Variants in LRP1B observed in about 807,000 individuals in gnomAD.
The protein encoded by LRP1B is LDL receptor related protein 1B.
A neutral mutation model predicts 556.6 loss-of-function variants in LRP1B; 217 were observed. The observed-to-expected ratio is 0.39, with a 90% confidence interval of 0.35 to 0.44. The LOEUF is 0.44. Among genes scored for constraint, LRP1B ranks in the 20% least tolerant of loss-of-function variants. LRP1B has a pLI of 1.00. For missense variants in LRP1B, 5,053 were observed against 5,620.8 expected, an observed-to-expected ratio of 0.90 and a Z score of 3.23; for synonymous variants, 2,047 against 1,865.8, an observed-to-expected ratio of 1.10 and a Z score of -2.50.
intron 32 of LRP1B, among the ~76,000 whole-genome samples, chr2:140,798,448 C>G (rs1690393118): frequency 6.6e-6 from 1 of 152,094 alleles, no homozygotes; most frequent in African/African-American, 2.4e-5. Flanking sequence ...TTATAAACAC[C>G]AAATGCTCTC....
At position 140,671,348 on chromosome 2, in the gene LRP1B, G is replaced by A. The variant is rs1020063813; in HGVS notation, c.6799+28902C>T. ...ATCCTGGCTAACACGGTGAAACCCCGTCTCTACTAAAAATACAAAAAAATT... is the reference window on the plus strand; with the variant it reads ...ATCCTGGCTAACACGGTGAAACCCCATCTCTACTAAAAATACAAAAAAATT... On this transcript the variant is annotated intron_variant, in intron 41 of 90. Coordinates refer to ENST00000389484, the MANE Select transcript of LRP1B (RefSeq NM_018557.3). Among the ~76,000 whole-genome samples, 123 of 152,062 alleles carry A rather than the reference G, an allele frequency of 8.1e-4. 1 individual carries two copies. The highest frequency in any genetic ancestry group is 3.7e-4 in the Non-Finnish European group (25 of 68,004).
At chr2:141,810,201 C>A (rs2105706752) in intron 2 of LRP1B, 78 bp downstream of exon 2, 4 of 1,316,840 alleles carry the variant, frequency 3.0e-6, no homozygotes, top group South Asian at 1.3e-5. Context: ...TCTAGAACAG[C>A]AGTCATCTGT....
chr2:141,722,732 AG>A (rs1692872087), intron 2 of LRP1B, among the ~76,000 whole-genome samples: 1 of 80,538 alleles, frequency 1.2e-5, no homozygotes, highest in African/African-American at 3.9e-5. Context: ...ATAGATACAT[AG>A]ATAGATAGAT....
At chr2:141,854,091 A>T (rs1384364474) in intron 1 of LRP1B, among the ~76,000 whole-genome samples, 3 of 152,048 alleles carry the variant, frequency 2.0e-5, no homozygotes, top group Non-Finnish European at 4.4e-5. Flanking sequence ...CAATAAAATC[A>T]GTTGGTGCAA....
rs763189902 is a variant in LRP1B at position 141,712,225 on chromosome 2, CAG to C, written c.205+98052_205+98053del. 5.3e-5 allele frequency among the ~76,000 whole-genome samples: 8 copies of C among 152,130 alleles called. No homozygotes were observed. The East Asian group carries it at 9.7e-4, about 18-fold the overall frequency. On this transcript the variant is annotated intron_variant, in intron 2 of 90. Coordinates refer to ENST00000389484, the MANE Select transcript of LRP1B (RefSeq NM_018557.3). The stretch of plus-strand genomic sequence containing the variant: ...CAATTGGAACTCAGAAAATTTGTAA[CAG>C]AAAAATTTATGATCATTGGGACTCA...
intron 84 of LRP1B, among the ~76,000 whole-genome samples, chr2:140,289,235 C>A (rs1268881415): frequency 6.6e-6 from 1 of 151,948 alleles, no homozygotes; most frequent in Non-Finnish European, 1.5e-5. Flanking sequence ...TGGTATGCTT[C>A]TAAGTAGTAT....
intron 1 of LRP1B, among the ~76,000 whole-genome samples, chr2:141,822,163 G>C (rs1279551952): frequency 1.2e-5 from 1 of 80,298 alleles, no homozygotes. Context: ...AGAGATAATA[G>C]TAAAAACCCT....
intron 2 of LRP1B, among the ~76,000 whole-genome samples, chr2:141,674,104 C>A (rs1428762036): frequency 1.3e-5 from 2 of 151,982 alleles, no homozygotes; most frequent in African/African-American, 2.4e-5. Context: ...GTCTCCATAG[C>A]ACACAATTAC....
Position 140,601,566 on chromosome 2 carries a change from T to A in LRP1B, c.6873A>T (p.Ser2291=). ...DTLYWTSSTT[S]SITRHTVDQT... The stretch of plus-strand genomic sequence containing the variant: ...GGTCCACAGTGTGTCTGGTGATGGA[T>A]GAGGTGGTAGAGCTTGTCCAGTACA... Residue 2291 remains serine (S), a synonymous_variant, in exon 42 of 91, where the codon TCA becomes TCT. Coordinates refer to ENST00000389484, the MANE Select transcript of LRP1B (RefSeq NM_018557.3). 6.2e-7 allele frequency: 1 copy of A among 1,613,174 alleles called. No individual in the cohort carries two copies. The highest frequency in any genetic ancestry group is 1.7e-5 in the Admixed American group (1 of 59,846).
intron 3 of LRP1B, among the ~76,000 whole-genome samples, chr2:141,354,558 C>T (rs926665767): frequency 6.6e-6 from 1 of 152,036 alleles, no homozygotes; most frequent in African/African-American, 2.4e-5. Flanking sequence ...TATAAATATT[C>T]TTACAGAACT....
At chr2:140,613,322 A>C (rs1028309008) in intron 41 of LRP1B, among the ~76,000 whole-genome samples, 3 of 116,558 alleles carry the variant, frequency 2.6e-5, no homozygotes, top group African/African-American at 8.7e-5. Flanking sequence ...TAATTATATA[A>C]ATATATATAA....
rs1279384303 is a variant in LRP1B, at chr2:140,239,423, C to G, written c.13415+19G>C. The G allele has an allele frequency of 6.6e-7, 1 of 1,505,812 alleles. No individual in the cohort carries two copies. Among genetic ancestry groups the G allele is most frequent in the African/African-American group, 1.4e-5 (1 of 71,536 alleles). 93.3% of individuals were successfully genotyped at this position (1,505,812 alleles called of 1,614,324 possible). On this transcript the variant is annotated intron_variant, in intron 88 of 90. Transcript: ENST00000389484. ...TGTGATTTATTCACTGACTGCTAAT[C>G]TAGAACATTGCATCTTACCTTCTTT...
At chr2:140,713,785 C>A (rs1687119664) in intron 37 of LRP1B, among the ~76,000 whole-genome samples, 1 of 151,994 alleles carries the variant, frequency 6.6e-6, no homozygotes, top group Non-Finnish European at 1.5e-5. Flanking sequence ...TTTAATTATT[C>A]TATTTCTTCT....
In LRP1B at chr2:140,371,265, GTGA is replaced by G; in HGVS notation, c.10786_10788del (p.Ser3596del). On this transcript the variant is annotated inframe_deletion, in exon 70 of 91. Coordinates refer to ENST00000389484, the MANE Select transcript of LRP1B (RefSeq NM_018557.3). ...CCATCACTGGCACATATATATTCAC[GTGA>G]TGAGCAAGTAGGAGAAGCTGAATAC... 2.5e-6 allele frequency: 4 copies of G among 1,579,778 alleles called. No homozygotes were observed. The highest frequency in any genetic ancestry group is 3.4e-6 in the Non-Finnish European group (4 of 1,162,490).
At chr2:141,495,964 G>A (rs1243511150) in intron 2 of LRP1B, among the ~76,000 whole-genome samples, 2 of 151,924 alleles carry the variant, frequency 1.3e-5, no homozygotes, top group Non-Finnish European at 2.9e-5. Context: ...GTAATCCAGG[G>A]AATTTCTTTA....
At chr2:140,391,960 G>T (rs1412962558) in intron 66 of LRP1B, among the ~76,000 whole-genome samples, 1 of 152,118 alleles carries the variant, frequency 6.6e-6, no homozygotes, top group Non-Finnish European at 1.5e-5. Flanking sequence ...ACCATGGCTG[G>T]AGTGAGACTG....
intron 1 of LRP1B, among the ~76,000 whole-genome samples, chr2:141,986,362 C>CT (rs1334425668): frequency 6.6e-6 from 1 of 151,904 alleles, no homozygotes; most frequent in Non-Finnish European, 1.5e-5. Context: ...TAACTCATAT[C>CT]TGAATGGCCA....
chr2:140,485,541 TA>T lies in LRP1B; in HGVS notation c.9244-18del. 2 of 1,600,554 alleles carry T rather than the reference TA, an allele frequency of 1.2e-6. No homozygotes were observed. Among genetic ancestry groups the T allele is most frequent in the Non-Finnish European group, 8.5e-7 (1 of 1,172,538 alleles). On this transcript the variant is annotated intron_variant, in intron 58 of 90. Transcript: ENST00000389484. ...ATGAACTACCTACAAAACAAGAATT[TA>T]AAAGGTTAACAGCGTAAATCCCTAA...
intron 2 of LRP1B, among the ~76,000 whole-genome samples, chr2:141,760,790 T>C (rs1418740140): frequency 6.6e-6 from 1 of 152,220 alleles, no homozygotes; most frequent in Non-Finnish European, 1.5e-5. Context: ...GTGAAGATTC[T>C]TACAGACGAT....
Sources: gnomAD v4.1 joint callset for allele counts (sites outside exome capture counted in the v4.1 genomes callset) on GRCh38, gnomAD v4.1.1 for gene constraint, MANE v1.5 for transcripts, NCBI Gene and HGNC (gene_info 2026-07-23, HGNC 2026-07-21) for gene names.